Variants in FAM135A observed in about 807,000 individuals in gnomAD.
FAM135A encodes the protein protein FAM135A.
A neutral mutation model predicts 146.8 loss-of-function variants in FAM135A; 79 were observed. That is an observed-to-expected ratio of 0.54 (90% CI 0.45 to 0.65). FAM135A has a LOEUF of 0.65. Among genes scored for constraint, FAM135A ranks in the 30% least tolerant of loss-of-function variants. FAM135A has a pLI of 0.00. For synonymous variants in FAM135A, 562 were observed against 603.6 expected (o/e 0.93, Z 1.01); for missense variants, 1,623 against 1,758.2 (o/e 0.92, Z 1.38).
chr6:70,485,606 T>C (rs968780253), intron 10 of FAM135A, among the ~76,000 whole-genome samples: 19 of 152,252 alleles, frequency 1.2e-4, no homozygotes, highest in African/African-American at 4.6e-4. Flanking sequence ...ACCACTTTCA[T>C]TGAGTTTTCA....
In FAM135A at chr6:70,526,657, G is replaced by A. The variant is rs201206743; in HGVS notation, c.3573G>A (p.Ser1191=). ...GTACTTCTTACAACTTCACTTCTTC[G>A]ATTTCCTGGTATGAAAGTTCACCAA... is the stretch of plus-strand genomic sequence containing the variant. ...PSSTSYNFTS[S]ISWYESSPKP... Residue 1191 remains serine (S), a synonymous_variant, in exon 15 of 22, where the codon TCG becomes TCA. Coordinates refer to ENST00000418814, the MANE Select transcript of FAM135A (RefSeq NM_001162529.3). 4.8e-5 allele frequency: 78 copies of A among 1,608,558 alleles called. No individual in the cohort carries two copies. The highest frequency in any genetic ancestry group is 6.3e-5 in the Non-Finnish European group (74 of 1,178,078).
At chr6:70,481,930 A>G in intron 9 of FAM135A, 71 bp from the exon 10 acceptor site, 5 of 1,431,268 alleles carry the variant, frequency 3.5e-6, no homozygotes, top group Non-Finnish European at 4.7e-6. Flanking sequence ...TTTTTTCTTT[A>G]TTTTTCCAAG....
chr6:70,501,186 A>G (rs1788408954), intron 11 of FAM135A, among the ~76,000 whole-genome samples: 1 of 152,150 alleles, frequency 6.6e-6, no homozygotes, highest in Admixed American at 6.5e-5. Context: ...TCCTTCAGTG[A>G]TGCCCTTCCC....
At chr6:70,477,442 CA>C (rs1210806992) in intron 8 of FAM135A, 110 bp downstream of exon 8, 2 of 1,136,692 alleles carry the variant, frequency 1.8e-6, no homozygotes, top group Non-Finnish European at 2.4e-6. Context: ...CATGGTTCTT[CA>C]GGCTGTACAG....
intron 4 of FAM135A, among the ~76,000 whole-genome samples, chr6:70,445,419 A>C (rs1462619454): frequency 6.6e-6 from 1 of 152,174 alleles, no homozygotes; most frequent in Non-Finnish European, 1.5e-5. Flanking sequence ...CACACACACA[A>C]AAATGTAGAG....
chr6:70,556,896 G>A (rs1800949601), intron 21 of FAM135A, 33 bp downstream of exon 21: 3 of 1,578,140 alleles, frequency 1.9e-6, no homozygotes, highest in Admixed American at 1.7e-5. Flanking sequence ...AAGAGTTATA[G>A]GTATTAATGA....
chr6:70,521,210 A>G (rs993364127), intron 12 of FAM135A, among the ~76,000 whole-genome samples: 6 of 152,216 alleles, frequency 3.9e-5, no homozygotes, highest in Admixed American at 1.3e-4. Flanking sequence ...CTGTCAAGAA[A>G]TGATCATTAT....
chr6:70,518,860 C>G (rs1201959060), intron 12 of FAM135A, among the ~76,000 whole-genome samples: 1 of 152,226 alleles, frequency 6.6e-6, no homozygotes, highest in African/African-American at 2.4e-5. Context: ...GCCAAGACCT[C>G]TCATGGAGAT....
At position 70,480,948 on chromosome 6, in the gene FAM135A, C is replaced by A; in HGVS notation, c.590C>A (p.Ala197Glu). The change falls in exon 9 of 22, where the codon GCA becomes GAA. Residue 197 changes from alanine (A) to glutamate (E), a missense_variant. Physicochemically the swap from Ala to Glu is moderately radical, Grantham distance 107 (BLOSUM62 -1). Transcript: ENST00000418814. ...ACTTGGTTAAATAGAAATGCACCAG[C>A]ACAAAACAAAGATTCCGTGATTCCT... ...KTTWLNRNAP[A>E]QNKDSVIPTL... The A allele has an allele frequency of 6.2e-7, 1 of 1,612,768 alleles. No individual in the cohort carries two copies. Among genetic ancestry groups the A allele is most frequent in the Non-Finnish European group, 8.5e-7 (1 of 1,179,328 alleles).
chr6:70,559,833 T>C lies in FAM135A; in HGVS notation c.4460T>C (p.Ile1487Thr), dbSNP rs144445389. Residue 1487 changes from isoleucine to threonine, a missense_variant, in exon 22 of 22, where the codon ATT (isoleucine) becomes ACT (threonine). Physicochemically the swap from Ile to Thr is moderately conservative, Grantham distance 89 (BLOSUM62 -1). Transcript: ENST00000418814. The part of the protein sequence containing the change: ...NALPNTADSL[I>T]GRAAHIAVLD... Reference sequence around the variant, plus strand: ...TTGCCCAATACAGCTGATTCACTCATTGGGAGAGCTGCACATATAGCTGTT... The same window carrying C: ...TTGCCCAATACAGCTGATTCACTCACTGGGAGAGCTGCACATATAGCTGTT... The C allele has an allele frequency of 3.3e-5, 53 of 1,614,034 alleles. No individual in the cohort carries two copies. Among genetic ancestry groups the C allele is most frequent in the Middle Eastern group, 1.6e-4 (1 of 6,082 alleles).
chr6:70,559,932 T>C lies in FAM135A; in HGVS notation c.*11T>C. On this transcript the variant is annotated 3_prime_UTR_variant, in exon 22 of 22. Transcript: ENST00000418814. ...AAATATTTCCAATAGTATAAAAGCATTGTTAGCGACTGGACAATTACCTCA... is the reference window on the plus strand; with the variant it reads ...AAATATTTCCAATAGTATAAAAGCACTGTTAGCGACTGGACAATTACCTCA... 1 of 1,595,562 alleles carries C rather than the reference T, an allele frequency of 6.3e-7. No homozygotes were observed. The highest frequency in any genetic ancestry group is 8.6e-7 in the Non-Finnish European group (1 of 1,165,816).
At chr6:70,558,973 T>G (rs1214906296) in intron 21 of FAM135A, among the ~76,000 whole-genome samples, 1 of 152,236 alleles carries the variant, frequency 6.6e-6, no homozygotes, top group Non-Finnish European at 1.5e-5. Context: ...ATTTGGAAAT[T>G]TTGACTGCCA....
intron 4 of FAM135A, among the ~76,000 whole-genome samples, chr6:70,440,736 C>A (rs1471347718): frequency 6.6e-6 from 1 of 151,984 alleles, no homozygotes; most frequent in East Asian, 1.9e-4. Flanking sequence ...AAGATGTTAC[C>A]TACAAAGAAA....
Position 70,554,458 on chromosome 6 carries a change from G to A in FAM135A, c.4229-2292G>A, listed in dbSNP as rs541328639. Among the ~76,000 whole-genome samples the A allele has an allele frequency of 4.6e-5, 7 of 152,252 alleles. No homozygotes were observed. In the South Asian group the frequency reaches 1.2e-3, roughly 27 times the overall value. ...AGAGCAATTTACATGGAGTAATTAG[G>A]AAGAAAGACTTCTGGGAATAGGTTC... is the stretch of plus-strand genomic sequence containing the variant. On this transcript the variant is annotated intron_variant, in intron 20 of 21. Coordinates refer to ENST00000418814, the MANE Select transcript of FAM135A (RefSeq NM_001162529.3).
chr6:70,530,694 A>C (rs1297415389), intron 16 of FAM135A, among the ~76,000 whole-genome samples: 3 of 152,166 alleles, frequency 2.0e-5, no homozygotes, highest in African/African-American at 7.2e-5. Context: ...CAGAGGTTGT[A>C]ATGAGCCAAG....
chr6:70,537,779 T>TA (rs1222166076), intron 19 of FAM135A, among the ~76,000 whole-genome samples: 1 of 152,110 alleles, frequency 6.6e-6, no homozygotes, highest in Non-Finnish European at 1.5e-5. Context: ...ACTGATAATA[T>TA]AAAAAAATAA....
chr6:70,536,389 C>T lies in FAM135A; in HGVS notation c.4095C>T (p.Asn1365=), dbSNP rs751247626. 6.2e-7 allele frequency: 1 copy of T among 1,608,270 alleles called. No homozygotes were observed. The change falls in exon 19 of 22, where the codon AAC becomes AAT. Residue 1365 remains asparagine (N), a synonymous_variant. Coordinates refer to ENST00000418814, the MANE Select transcript of FAM135A (RefSeq NM_001162529.3). ...LSGPHLGTLY[N]SSALVNTGLW... ...GACCTCACCTTGGTACACTCTACAACAGCAGTGCTCTTGTTAATACAGGTA... is the reference window on the plus strand; with the variant it reads ...GACCTCACCTTGGTACACTCTACAATAGCAGTGCTCTTGTTAATACAGGTA...
Position 70,491,819 on chromosome 6 carries a change from A to G in FAM135A, c.873+736A>G, listed in dbSNP as rs191996210. Among the ~76,000 whole-genome samples the G allele has an allele frequency of 5.6e-3, 855 of 152,056 alleles. 3 individuals are homozygous for G. Among genetic ancestry groups the G allele is most frequent in the Non-Finnish European group, 8.2e-3 (556 of 67,756 alleles). On this transcript the variant is annotated intron_variant, in intron 11 of 21. Transcript: ENST00000418814. ...TAATGTGCTTATGATAATTGCTCAA[A>G]AGAACATTAAACATTTAAAAATAAT...
At chr6:70,432,155 A>G (rs1771811688) in intron 4 of FAM135A, among the ~76,000 whole-genome samples, 1 of 152,150 alleles carries the variant, frequency 6.6e-6, no homozygotes. Flanking sequence ...TAATATTCAC[A>G]AACACATTCT....
Sources: gnomAD v4.1 joint callset for allele counts (sites outside exome capture counted in the v4.1 genomes callset) on GRCh38, gnomAD v4.1.1 for gene constraint, MANE v1.5 for transcripts, NCBI Gene and HGNC (gene_info 2026-07-23, HGNC 2026-07-21) for gene names.